Variants in RCC1 observed in about 807,000 individuals in gnomAD.
RCC1 encodes regulator of chromosome condensation.
RCC1 carries 11 observed loss-of-function variants against 44.4 expected under a neutral mutation model. The observed-to-expected ratio is 0.25, with a 90% CI of 0.16 to 0.41. The LOEUF (loss-of-function observed/expected upper bound fraction) is 0.41. RCC1 is among the 10% of genes least tolerant of loss of function. RCC1 has a pLI of 1.00. For missense variants in RCC1, 386 were observed against 547.1 expected (o/e 0.71, Z 2.94); for synonymous variants, 213 against 216.5 (o/e 0.98, Z 0.14).
intron 1 of RCC1, chr1:28,506,341 C>G (rs1447303209): frequency 2.5e-6 from 1 of 399,674 alleles, no homozygotes; most frequent in South Asian, 1.7e-5. Context: ...CGTGCCACCA[C>G]GCCCGGCCAA....
intron 3 of RCC1, chr1:28,510,060 G>A (rs1662394692): frequency 6.6e-6 from 1 of 152,192 alleles, no homozygotes; most frequent in South Asian, 2.1e-4. Context: ...CAACATAAAT[G>A]TTCAGTACCC....
chr1:28,528,905 G>A (rs1452272989), intron 4 of RCC1, among the ~76,000 whole-genome samples: 1 of 145,050 alleles, frequency 6.9e-6, no homozygotes, highest in African/African-American at 2.6e-5. Context: ...TCCCAGGCTG[G>A]AGTGCTGAGT....
At chr1:28,510,865 C>T (rs753084138) in intron 3 of RCC1, 28 of 152,242 alleles carry the variant, frequency 1.8e-4, no homozygotes, top group Non-Finnish European at 2.9e-4. Flanking sequence ...ACATAGATCT[C>T]ACCTGAGTAA....
chr1:28,523,433 A>G (rs1222155199), intron 4 of RCC1, among the ~76,000 whole-genome samples: 3 of 152,134 alleles, frequency 2.0e-5, no homozygotes, highest in African/African-American at 7.2e-5. Context: ...TCTGAGCCTC[A>G]GTTTTCTTCT....
Position 28,535,915 on chromosome 1 carries a change from AGC to A in RCC1, c.707_708del (p.Ser236ThrfsTer22). On this transcript the variant is annotated frameshift_variant, in exon 10 of 13. Coordinates refer to ENST00000683442, the MANE Select transcript of RCC1 (RefSeq NM_001381865.2). LOFTEE classifies it high-confidence loss of function. ...PKCVMLKSRG[S>X]RGHVRFQDAF... ...GTGTGTGATGCTGAAATCCAGGGGA[AGC>A]CGGGGCCACGTGAGATTCCAGGATG... 6.2e-7 allele frequency: 1 copy of A among 1,614,104 alleles called. No individual in the cohort carries two copies. The highest frequency in any genetic ancestry group is 8.5e-7 in the Non-Finnish European group (1 of 1,179,994).
intron 3 of RCC1, chr1:28,510,039 G>C (rs1422011063): frequency 6.6e-6 from 1 of 152,186 alleles, no homozygotes; most frequent in East Asian, 1.9e-4. Context: ...CAAGCCCCCT[G>C]CACTGGCTGC....
At chr1:28,537,254 C>G (rs1421232332) in intron 12 of RCC1, among the ~76,000 whole-genome samples, 1 of 152,050 alleles carries the variant, frequency 6.6e-6, no homozygotes, top group Non-Finnish European at 1.5e-5. Flanking sequence ...TATGTTCCCG[C>G]TTTCCAGGGA....
chr1:28,530,419 C>T (rs912412188), intron 5 of RCC1: 1 of 1,037,658 alleles, frequency 9.6e-7, no homozygotes. Flanking sequence ...CTGTGGTTTC[C>T]TCTGTCCTGG....
chr1:28,527,062 G>T, intron 4 of RCC1: 1 of 849,676 alleles, frequency 1.2e-6, no homozygotes, highest in Non-Finnish European at 2.0e-6. Context: ...ATGAGGAACT[G>T]GTACCAGAAT....
At chr1:28,527,193 T>C (rs572273784) in intron 4 of RCC1, 30 of 1,099,950 alleles carry the variant, frequency 2.7e-5, no homozygotes, top group Non-Finnish European at 3.9e-5. Flanking sequence ...GCCGGGCAAC[T>C]GATGCTCAGA....
In RCC1 at chr1:28,536,178, G is replaced by A; in HGVS notation, c.818-84G>A. 6.4e-7 allele frequency: 1 copy of A among 1,569,556 alleles called. No homozygotes were observed. The highest frequency in any genetic ancestry group is 8.6e-7 in the Non-Finnish European group (1 of 1,156,288). On this transcript the variant is annotated intron_variant, in intron 10 of 12. Coordinates refer to ENST00000683442, the MANE Select transcript of RCC1 (RefSeq NM_001381865.2). This position sits in a 1 kb window ranked among gnomAD's most constrained non-coding sequence, Gnocchi z 4.9. The stretch of plus-strand genomic sequence containing the variant: ...AAGTGAGAATGTCCATATCCTGATG[G>A]GAGGTGGCCTCACTGTGGGAGGAGA...
intron 9 of RCC1, 101 bp from the exon 10 acceptor site, chr1:28,535,770 G>C: frequency 7.8e-7 from 1 of 1,289,802 alleles, no homozygotes; most frequent in Non-Finnish European, 1.1e-6. Context: ...TCCCTACTTA[G>C]CCTCTCAAGG....
chr1:28,509,647 ATTT>A (rs1662350085), intron 3 of RCC1: 1 of 152,194 alleles, frequency 6.6e-6, no homozygotes, highest in African/African-American at 2.4e-5. Flanking sequence ...TTTGTGGTTC[ATTT>A]TTGTGGAGGT....
intron 3 of RCC1, among the ~76,000 whole-genome samples, chr1:28,515,955 G>A (rs1297272579): frequency 6.6e-6 from 1 of 152,022 alleles, no homozygotes; most frequent in Non-Finnish European, 1.5e-5. Flanking sequence ...GCTGAGGCGG[G>A]TGGATCACCT....
intron 3 of RCC1, chr1:28,510,203 G>T (rs1447110836): frequency 6.6e-6 from 1 of 152,344 alleles, no homozygotes; most frequent in African/African-American, 2.4e-5. Context: ...ATTGGAGTTT[G>T]GTGGACTGTA....
chr1:28,518,620 G>A (rs1458502528), intron 4 of RCC1: 1 of 151,004 alleles, frequency 6.6e-6, no homozygotes, highest in Non-Finnish European at 1.5e-5. Flanking sequence ...CAAACTGCGC[G>A]AGCGCGGCGG....
rs780136478 is a variant in RCC1, at chr1:28,536,068, C to T, written c.817+42C>T. The T allele has an allele frequency of 6.4e-6, 10 of 1,570,060 alleles. No individual in the cohort carries two copies. The highest frequency in any genetic ancestry group is 4.7e-5 in the South Asian group (4 of 85,098). ...GCTTCAGGCATGACCCAGTGGCCTG[C>T]GTTCCTGTCCTGGCTCTGCCACTCA... On this transcript the variant is annotated intron_variant, in intron 10 of 12. Coordinates refer to ENST00000683442, the MANE Select transcript of RCC1 (RefSeq NM_001381865.2). This position sits in a 1 kb window ranked among gnomAD's most constrained non-coding sequence, Gnocchi z 4.9.
At chr1:28,526,137 T>A (rs896893046) in intron 4 of RCC1, among the ~76,000 whole-genome samples, 1 of 152,042 alleles carries the variant, frequency 6.6e-6, no homozygotes, top group Non-Finnish European at 1.5e-5. Flanking sequence ...ATATAAAAAT[T>A]AGCTGGACAC....
chr1:28,530,499 TCAGACAGTGTCTGTCTTTTG>T, intron 5 of RCC1: 1 of 1,588,794 alleles, frequency 6.3e-7, no homozygotes, highest in African/African-American at 1.3e-5. Flanking sequence ...GGACCCACGC[TCAGACAGTGTCTGTCTTTTG>T]CAGACACGAG....
Sources: gnomAD v4.1 joint callset for allele counts (sites outside exome capture counted in the v4.1 genomes callset) on GRCh38, gnomAD v4.1.1 for gene constraint, Gnocchi (gnomAD v3.1) non-coding constraint, MANE v1.5 for transcripts, NCBI Gene and HGNC (gene_info 2026-07-23, HGNC 2026-07-21) for gene names.